The following PCDHA8 variants were observed in gnomAD, a reference collection of about 807,000 sequenced individuals.
PCDHA8 encodes protocadherin alpha 8.
Under a neutral mutation model 61.8 loss-of-function variants are expected in PCDHA8, and 53 were observed. The ratio of observed to expected loss-of-function variants is 0.86; its 90% confidence interval spans 0.69 to 1.08. The LOEUF is 1.08. Ranked by LOEUF, PCDHA8 falls within the 50% of genes least tolerant of loss-of-function variation. PCDHA8 has a pLI of 0.00. For missense variants in PCDHA8, 1,293 were observed against 1,245.0 expected, an observed-to-expected ratio of 1.04 and a Z score of -0.58; for synonymous variants, 618 against 556.6, an observed-to-expected ratio of 1.11 and a Z score of -1.55.
chr5:140,968,918 A>G, intron 1 of PCDHA8: 1 of 1,614,164 alleles, frequency 6.2e-7, no homozygotes, highest in Non-Finnish European at 8.5e-7. Context: ...AGTGTCTTTT[A>G]TATTTCTTTT....
At chr5:140,863,510 T>C in intron 1 of PCDHA8, 1 of 411,624 alleles carries the variant, frequency 2.4e-6, no homozygotes, top group Non-Finnish European at 4.8e-6. Context: ...TTAGTCCTAG[T>C]GTTCTCCCAT....
chr5:140,869,504 C>A (rs959374162), intron 1 of PCDHA8: 5 of 1,614,200 alleles, frequency 3.1e-6, no homozygotes, highest in Non-Finnish European at 4.2e-6. Flanking sequence ...CCGGTGTTCT[C>A]GCTCAGAGAA....
At chr5:140,876,539 C>T (rs1030865953) in intron 1 of PCDHA8, 5 of 1,614,170 alleles carry the variant, frequency 3.1e-6, no homozygotes, top group Admixed American at 1.7e-5. Flanking sequence ...ACTTCACTGT[C>T]GCTCCCTGTG....
intron 1 of PCDHA8, among the ~76,000 whole-genome samples, chr5:140,965,185 C>T (rs1348990210): frequency 6.6e-6 from 1 of 152,138 alleles, no homozygotes; most frequent in Non-Finnish European, 1.5e-5. Flanking sequence ...TTTTTTTGCA[C>T]ATGAGGCAAT....
intron 2 of PCDHA8, among the ~76,000 whole-genome samples, chr5:140,979,418 T>A (rs895579689): frequency 3.3e-5 from 5 of 152,178 alleles, no homozygotes; most frequent in South Asian, 2.1e-4. Flanking sequence ...GTTTTTTTTT[T>A]AATCTCACAT....
chr5:140,962,791 T>G (rs998586099), intron 1 of PCDHA8, among the ~76,000 whole-genome samples: 19 of 152,252 alleles, frequency 1.2e-4, no homozygotes, highest in Admixed American at 1.1e-3. Context: ...TAAAAACTAC[T>G]TTGGACAACT....
chr5:140,869,698 T>C (rs782072995), intron 1 of PCDHA8: 4 of 1,613,236 alleles, frequency 2.5e-6, no homozygotes, highest in Middle Eastern at 1.6e-4. Context: ...TTTAAAGAAG[T>C]CTCTGGATAG....
At chr5:140,851,968 C>G (rs1409588887) in intron 1 of PCDHA8, 2 of 976,644 alleles carry the variant, frequency 2.0e-6, no homozygotes, top group African/African-American at 3.5e-5. Flanking sequence ...GTTTTCCACA[C>G]TCTACCTTTA....
chr5:140,954,390 C>A (rs2095030202), intron 1 of PCDHA8, among the ~76,000 whole-genome samples: 1 of 152,204 alleles, frequency 6.6e-6, no homozygotes, highest in South Asian at 2.1e-4. Context: ...AACTAATTTA[C>A]AACCCCACCA....
intron 2 of PCDHA8, among the ~76,000 whole-genome samples, 188 bp downstream of exon 2, chr5:140,979,195 T>C (rs1554240340): frequency 1.3e-5 from 2 of 152,232 alleles, no homozygotes; most frequent in African/African-American, 4.8e-5. Context: ...GCCAGATGCT[T>C]ATCAAGTGCT....
At chr5:140,937,786 T>C (rs246073) in intron 1 of PCDHA8, among the ~76,000 whole-genome samples, 52,378 of 148,788 alleles carry the variant, frequency 0.35, 9,253 homozygotes, top group East Asian at 0.54. Flanking sequence ...GTGGCGGGCG[T>C]ATGTAGTCCC....
chr5:140,851,949 A>T, intron 1 of PCDHA8: 1 of 974,358 alleles, frequency 1.0e-6, no homozygotes, highest in Non-Finnish European at 1.2e-6. Context: ...TGTGACTTTC[A>T]AAATGGTGGT....
intron 1 of PCDHA8, chr5:140,856,749 C>A (rs146132566): frequency 1.3e-6 from 2 of 1,595,860 alleles, no homozygotes; most frequent in East Asian, 2.2e-5. Context: ...GTGTTAGATG[C>A]CAATGATAAC....
chr5:140,877,094 G>C, intron 1 of PCDHA8: 1 of 1,613,310 alleles, frequency 6.2e-7, no homozygotes, highest in Non-Finnish European at 8.5e-7. Flanking sequence ...CGCGACGCCG[G>C]CGTGCCGCCT....
At chr5:140,884,260 G>C (rs781862611) in intron 1 of PCDHA8, 1 of 1,613,410 alleles carries the variant, frequency 6.2e-7, no homozygotes, top group Admixed American at 1.7e-5. Flanking sequence ...CCACGGCAAC[G>C]GTGCTGTTGT....
rs1554151191 is a variant in PCDHA8, at chr5:140,858,123, T to A, written c.2394+14408T>A. The A allele has an allele frequency of 6.3e-7, 1 of 1,597,678 alleles. No individual in the cohort carries two copies. Among genetic ancestry groups the A allele is most frequent in the South Asian group, 1.1e-5 (1 of 90,530 alleles). ...GGCGTGGCGCCCGAGGTGGCCCTGG[T>A]GGATGTCAACGTGTACCTGATCATC... On this transcript the variant is annotated intron_variant, in intron 1 of 3. Coordinates refer to ENST00000531613, the MANE Select transcript of PCDHA8 (RefSeq NM_018911.3).
At chr5:140,890,747 G>C (rs2062780711) in intron 1 of PCDHA8, among the ~76,000 whole-genome samples, 1 of 152,024 alleles carries the variant, frequency 6.6e-6, no homozygotes, top group African/African-American at 2.4e-5. Context: ...TACTATTTCT[G>C]TCATGCTTTA....
intron 1 of PCDHA8, chr5:140,926,951 G>A: frequency 3.8e-6 from 6 of 1,596,266 alleles, no homozygotes; most frequent in South Asian, 1.1e-5. Context: ...GCTGCAGCGG[G>A]ACAGCTCGAG....
At chr5:140,882,164 C>A in intron 1 of PCDHA8, 1 of 1,509,950 alleles carries the variant, frequency 6.6e-7, no homozygotes, top group Non-Finnish European at 8.9e-7. Flanking sequence ...ATACCTCTTG[C>A]GAATCCTTCC....
Sources: gnomAD v4.1 joint callset for allele counts (sites outside exome capture counted in the v4.1 genomes callset) on GRCh38, gnomAD v4.1.1 for gene constraint, MANE v1.5 for transcripts, NCBI Gene and HGNC (gene_info 2026-07-23, HGNC 2026-07-21) for gene names.